The following FAM184B variants were observed in gnomAD, a reference collection of about 807,000 sequenced individuals.
FAM184B encodes the protein protein FAM184B.
FAM184B carries 111 observed loss-of-function variants against 135.9 expected under a neutral mutation model. The ratio of observed to expected loss-of-function variants is 0.82; its 90% confidence interval spans 0.70 to 0.96. The LOEUF (loss-of-function observed/expected upper bound fraction) is 0.96, where lower values mean the gene tolerates loss of function less well. FAM184B is among the 40% of genes least tolerant of loss of function. The pLI, the probability that FAM184B is intolerant of heterozygous loss-of-function variation, is 0.00. For synonymous variants in FAM184B, 552 were observed against 524.8 expected (o/e 1.05, Z -0.71); for missense variants, 1,375 against 1,323.9 (o/e 1.04, Z -0.60).
intron 1 of FAM184B, among the ~76,000 whole-genome samples, chr4:17,763,405 AAC>A (rs148239054): frequency 7.3e-5 from 11 of 150,796 alleles, no homozygotes; most frequent in South Asian, 2.1e-4. Flanking sequence ...CACACACACA[AAC>A]ACACACACAC....
At chr4:17,680,948 T>G (rs951483028) in intron 7 of FAM184B, among the ~76,000 whole-genome samples, 1 of 152,218 alleles carries the variant, frequency 6.6e-6, no homozygotes, top group African/African-American at 2.4e-5. Context: ...AGTAGCATTA[T>G]GTACATCTTA....
At position 17,631,491 on chromosome 4, in the gene FAM184B, A is replaced by G. The variant is rs562136432; in HGVS notation, c.*1041T>C. 1.3e-5 allele frequency: 2 copies of G among 152,340 alleles called. No individual in the cohort carries two copies. The highest frequency in any genetic ancestry group is 3.9e-4 in the East Asian group (2 of 5,184). 9.4% of individuals were successfully genotyped at this position (152,340 alleles called of 1,614,324 possible). ...GAAGATCTTTGACTTCAAAGAACAG[A>G]TAATCTAGAGACCTTCACAAGTGAT... On this transcript the variant is annotated 3_prime_UTR_variant, in exon 18 of 18. Coordinates refer to ENST00000265018, the MANE Select transcript of FAM184B (RefSeq NM_015688.2).
chr4:17,633,642 C>T (rs954219469), intron 17 of FAM184B, 47 bp downstream of exon 17: 5 of 1,398,050 alleles, frequency 3.6e-6, no homozygotes, highest in Admixed American at 3.1e-5. Flanking sequence ...CCCCTCTTAT[C>T]TACAGGGAAA....
chr4:17,690,947 C>A (rs1391602817), intron 6 of FAM184B, among the ~76,000 whole-genome samples: 1 of 152,058 alleles, frequency 6.6e-6, no homozygotes, highest in Non-Finnish European at 1.5e-5. Context: ...TCATTTCTAG[C>A]TTTGGTAAGG....
chr4:17,667,433 G>A lies in FAM184B; in HGVS notation c.1597-2774C>T, dbSNP rs376574299. ...GTGCCTTTATGATTCATAAGTTCACGTTCTGTTTAAATCATTTGCATTGCC... is the reference window on the plus strand; with the variant it reads ...GTGCCTTTATGATTCATAAGTTCACATTCTGTTTAAATCATTTGCATTGCC... On this transcript the variant is annotated intron_variant, in intron 7 of 17. Coordinates refer to ENST00000265018, the MANE Select transcript of FAM184B (RefSeq NM_015688.2). 7.6e-4 allele frequency among the ~76,000 whole-genome samples: 115 copies of A among 152,246 alleles called. 2 individuals are homozygous for A. In the South Asian group the frequency reaches 0.018, roughly 24 times the overall value.
At chr4:17,757,798 C>T (rs180748760) in intron 1 of FAM184B, among the ~76,000 whole-genome samples, 6 of 151,654 alleles carry the variant, frequency 4.0e-5, no homozygotes, top group African/African-American at 1.5e-4. Context: ...ATTTGTATAA[C>T]TGGAATCACA....
chr4:17,659,546 G>T (rs1715864493), intron 9 of FAM184B, among the ~76,000 whole-genome samples: 1 of 151,902 alleles, frequency 6.6e-6, no homozygotes, highest in Non-Finnish European at 1.5e-5. Flanking sequence ...GAGTGCAGCG[G>T]TGCGATCTCG....
chr4:17,653,361 C>A (rs971503647), intron 10 of FAM184B, among the ~76,000 whole-genome samples: 1 of 152,154 alleles, frequency 6.6e-6, no homozygotes, highest in Non-Finnish European at 1.5e-5. Context: ...GACATCTGCC[C>A]CAGGACTAGT....
At position 17,720,911 on chromosome 4, in the gene FAM184B, AAAG is replaced by A. The variant is rs1717509436; in HGVS notation, c.142-11270_142-11268del. Reference sequence around the variant, plus strand: ...AAAAAAAAAAAAAAAAAGAAAGAAAAAAGAAGAAAAGAAAAAGAAATTAAACAT... The same window carrying A: ...AAAAAAAAAAAAAAAAAGAAAGAAAAAAGAAAAGAAAAAGAAATTAAACAT... On this transcript the variant is annotated intron_variant, in intron 1 of 17. Coordinates refer to ENST00000265018, the MANE Select transcript of FAM184B (RefSeq NM_015688.2). 2.0e-5 allele frequency among the ~76,000 whole-genome samples: 3 copies of A among 151,744 alleles called. No individual in the cohort carries two copies. In the East Asian group the frequency reaches 5.8e-4, roughly 29 times the overall value.
chr4:17,752,017 A>G (rs1170296874), intron 1 of FAM184B, among the ~76,000 whole-genome samples: 1 of 151,448 alleles, frequency 6.6e-6, no homozygotes, highest in Non-Finnish European at 1.5e-5. Context: ...GGGCTTCCCT[A>G]CTGAGTGGCC....
At chr4:17,718,090 C>T (rs551934763) in intron 1 of FAM184B, among the ~76,000 whole-genome samples, 3 of 152,278 alleles carry the variant, frequency 2.0e-5, no homozygotes, top group Admixed American at 6.5e-5. Context: ...CGTTGCTGAA[C>T]CTGAGTCTCA....
chr4:17,635,133 G>C lies in FAM184B; in HGVS notation c.2785-20C>G. 6.6e-7 allele frequency: 1 copy of C among 1,526,572 alleles called. No individual in the cohort carries two copies. The highest frequency in any genetic ancestry group is 8.9e-7 in the Non-Finnish European group (1 of 1,124,336). The allele number at this position is 1,526,572 out of a possible 1,614,324, so 94.6% of individuals were successfully genotyped here. ...CTCTTCCTAGAAAACCAATACAACT[G>C]AGTCTAAATGAGCCTAACCACACAG... On this transcript the variant is annotated intron_variant, in intron 15 of 17. Coordinates refer to ENST00000265018, the MANE Select transcript of FAM184B (RefSeq NM_015688.2).
Position 17,633,626 on chromosome 4 carries a change from C to T in FAM184B, c.3089+63G>A, listed in dbSNP as rs1275620900. The T allele has an allele frequency of 3.7e-6, 5 of 1,350,872 alleles. No individual in the cohort carries two copies. The African/African-American group carries it at 4.5e-5, about 12-fold the overall frequency. 83.7% of individuals were successfully genotyped at this position (1,350,872 alleles called of 1,614,324 possible). A position where few individuals can be genotyped will look rare whatever the true frequency, so the allele number is the denominator to read the frequency against. Reference sequence around the variant, plus strand: ...TTGGTACCAGGTGCTAGAAAGAATCCTACTTCCCCTCTTATCTACAGGGAA... The same window carrying T: ...TTGGTACCAGGTGCTAGAAAGAATCTTACTTCCCCTCTTATCTACAGGGAA... On this transcript the variant is annotated intron_variant, in intron 17 of 17. Transcript: ENST00000265018.
chr4:17,766,975 C>T (rs530819272), intron 1 of FAM184B, among the ~76,000 whole-genome samples: 12 of 152,306 alleles, frequency 7.9e-5, no homozygotes, highest in South Asian at 2.1e-4. Flanking sequence ...TGAGGCCCAG[C>T]GAGAATTCCA....
intron 7 of FAM184B, among the ~76,000 whole-genome samples, chr4:17,678,729 T>C (rs1053218140): frequency 6.6e-6 from 1 of 152,118 alleles, no homozygotes; most frequent in East Asian, 1.9e-4. Context: ...AAAGCAAGGC[T>C]AAGCAAAAAG....
chr4:17,773,179 C>G (rs138537602), intron 1 of FAM184B, among the ~76,000 whole-genome samples: 5 of 152,330 alleles, frequency 3.3e-5, no homozygotes, highest in East Asian at 1.9e-4. Flanking sequence ...CAGATTCCCC[C>G]CTTCTCAATT....
At chr4:17,651,158 A>G (rs1374549227) in intron 11 of FAM184B, among the ~76,000 whole-genome samples, 1 of 152,202 alleles carries the variant, frequency 6.6e-6, no homozygotes, top group African/African-American at 2.4e-5. Flanking sequence ...TAAGAGTAAG[A>G]AAGATGACAG....
intron 1 of FAM184B, among the ~76,000 whole-genome samples, chr4:17,761,246 T>TCC: frequency 6.6e-6 from 1 of 150,392 alleles, no homozygotes; most frequent in East Asian, 2.0e-4. Context: ...ACAGCAGGTC[T>TCC]CTCTCTCTCT....
chr4:17,766,845 G>A (rs149421695), intron 1 of FAM184B, among the ~76,000 whole-genome samples: 328 of 152,326 alleles, frequency 2.2e-3, no homozygotes, highest in African/African-American at 7.4e-3. Flanking sequence ...GGGACCAGGC[G>A]CCACAGAGCA....
Sources: allele counts gnomAD v4.1 joint callset (sites outside exome capture counted in the v4.1 genomes callset), GRCh38; gene constraint gnomAD v4.1.1; transcripts MANE v1.5; gene names NCBI Gene and HGNC (gene_info 2026-07-23, HGNC 2026-07-21).